FBXO15: variants seen among roughly 807,000 people sequenced by gnomAD.
FBXO15 encodes the protein F-box only protein 15.
A neutral mutation model predicts 49.5 loss-of-function variants in FBXO15; 30 were observed. The ratio of observed to expected loss-of-function variants is 0.61; its 90% confidence interval spans 0.45 to 0.82. The LOEUF (loss-of-function observed/expected upper bound fraction) is 0.82, where lower values mean the gene tolerates loss of function less well. FBXO15 is among the 40% of genes least tolerant of loss of function. FBXO15 has a pLI of 0.00. For missense variants in FBXO15, 591 were observed against 631.5 expected, an observed-to-expected ratio of 0.94 and a Z score of 0.69; for synonymous variants, 250 against 232.7, an observed-to-expected ratio of 1.07 and a Z score of -0.68.
intron 8 of FBXO15, among the ~76,000 whole-genome samples, chr18:74,118,627 AAAGT>A (rs926790445): frequency 3.6e-4 from 55 of 152,214 alleles, no homozygotes; most frequent in African/African-American, 1.3e-3. Flanking sequence ...TTTAAAACTG[AAAGT>A]AATATAATTA....
intron 8 of FBXO15, among the ~76,000 whole-genome samples, chr18:74,085,631 A>G (rs947609168): frequency 6.6e-6 from 1 of 152,240 alleles, no homozygotes; most frequent in Non-Finnish European, 1.5e-5. Flanking sequence ...AATAAAATGG[A>G]ATAGATTGGT....
intron 8 of FBXO15, among the ~76,000 whole-genome samples, chr18:74,104,672 G>C (rs987487682): frequency 6.6e-6 from 1 of 152,094 alleles, no homozygotes; most frequent in African/African-American, 2.4e-5. Flanking sequence ...AAAATAGACG[G>C]TAATAATGGA....
At chr18:74,108,811 G>T (rs984360354) in intron 8 of FBXO15, among the ~76,000 whole-genome samples, 1 of 152,006 alleles carries the variant, frequency 6.6e-6, no homozygotes, top group Non-Finnish European at 1.5e-5. Context: ...GAAACCAGAG[G>T]AAAAGAACAC....
chr18:74,139,656 T>C (rs913879410), intron 2 of FBXO15, among the ~76,000 whole-genome samples: 14 of 152,238 alleles, frequency 9.2e-5, no homozygotes, highest in African/African-American at 3.1e-4. Flanking sequence ...TCTGTGATCA[T>C]CTCAAGCTTT....
intron 3 of FBXO15, among the ~76,000 whole-genome samples, chr18:74,134,646 G>A (rs1978604718): frequency 6.6e-6 from 1 of 152,146 alleles, no homozygotes; most frequent in Non-Finnish European, 1.5e-5. Flanking sequence ...GGGATTACAG[G>A]TGTGAGCCAC....
chr18:74,120,279 G>C (rs1914417962), intron 8 of FBXO15, among the ~76,000 whole-genome samples: 1 of 152,134 alleles, frequency 6.6e-6, no homozygotes, highest in Non-Finnish European at 1.5e-5. Context: ...CTCTCTAACT[G>C]ATAAAACAAG....
At chr18:74,129,992 C>T (rs1031774263) in intron 4 of FBXO15, among the ~76,000 whole-genome samples, 5 of 152,160 alleles carry the variant, frequency 3.3e-5, no homozygotes, top group African/African-American at 4.8e-5. Context: ...GTTCTAGGAA[C>T]CCCATGATAC....
intron 8 of FBXO15, among the ~76,000 whole-genome samples, chr18:74,096,038 G>A (rs894099393): frequency 3.3e-5 from 5 of 152,044 alleles, no homozygotes; most frequent in African/African-American, 4.8e-5. Context: ...CAAGGGCGTC[G>A]AAAATTTTCC....
intron 2 of FBXO15, among the ~76,000 whole-genome samples, chr18:74,138,125 C>T (rs1978835207): frequency 3.3e-5 from 5 of 152,252 alleles, no homozygotes; most frequent in African/African-American, 4.8e-5. Context: ...TCCTTTGGTT[C>T]TCCCCACCCC....
Position 74,082,017 on chromosome 18 carries a change from A to G in FBXO15, c.1173T>C (p.Val391=). Reference sequence around the variant, plus strand: ...GTTCTCTGTTATTTTTTAAATGTATAACAATGAGCTTCACATGTCCATTTT... The same window carrying G: ...GTTCTCTGTTATTTTTTAAATGTATGACAATGAGCTTCACATGTCCATTTT... ...NIENGHVKLI[V]IHLKNNREHL... is the part of the protein sequence containing the mutation. The change falls in exon 9 of 10, where the codon GTT becomes GTC. Residue 391 remains valine (V), a synonymous_variant. Transcript: ENST00000419743. 1 of 1,612,870 alleles carries G rather than the reference A, an allele frequency of 6.2e-7. No individual in the cohort carries two copies. Among genetic ancestry groups the G allele is most frequent in the Non-Finnish European group, 8.5e-7 (1 of 1,179,462 alleles).
In FBXO15 at chr18:74,135,831, T is replaced by C. The variant is rs751848723; in HGVS notation, c.263A>G (p.Tyr88Cys). 3.1e-6 allele frequency: 5 copies of C among 1,611,162 alleles called. No homozygotes were observed. The highest frequency in any genetic ancestry group is 4.2e-6 in the Non-Finnish European group (5 of 1,179,338). ...PSEILLKIFS[Y>C]LDAVSLLCTG... is the part of the protein sequence containing the mutation. ...ACACAGAAGGCTCACAGCATCCAAGTAGGAAAATATCTTCAGCAAGATTTC... is the reference window on the plus strand; with the variant it reads ...ACACAGAAGGCTCACAGCATCCAAGCAGGAAAATATCTTCAGCAAGATTTC... The change falls in exon 3 of 10, where the codon TAC becomes TGC. Residue 88 changes from tyrosine (Y) to cysteine (C), a missense_variant. Physicochemically the swap from Tyr to Cys is radical, Grantham distance 194 (BLOSUM62 -2). Transcript: ENST00000419743.
At chr18:74,114,344 G>A (rs1470589888) in intron 8 of FBXO15, among the ~76,000 whole-genome samples, 1 of 152,174 alleles carries the variant, frequency 6.6e-6, no homozygotes, top group Admixed American at 6.5e-5. Flanking sequence ...GCTTGCACTG[G>A]TTTCCTGCAG....
rs1287138427 is a variant in FBXO15, at chr18:74,074,109, C to T, written c.1264-379G>A. Among the ~76,000 whole-genome samples, 1 of 152,162 alleles carries T rather than the reference C, an allele frequency of 6.6e-6. No homozygotes were observed. The highest frequency in any genetic ancestry group is 2.4e-5 in the African/African-American group (1 of 41,420). On this transcript the variant is annotated intron_variant, in intron 9 of 9. Coordinates refer to ENST00000419743, the MANE Select transcript of FBXO15 (RefSeq NM_001142958.2). The surrounding 1 kb of genome is among the most constrained non-coding windows in gnomAD (Gnocchi z 4.7). ...TTCCGAGCGTGAGGCACCGCATCAC[C>T]CTGAGAAGCAGTGTGCCTGTGTTCC...
At chr18:74,092,687 T>C (rs1202078776) in intron 8 of FBXO15, among the ~76,000 whole-genome samples, 1 of 152,194 alleles carries the variant, frequency 6.6e-6, no homozygotes. Flanking sequence ...GTTTTAACTC[T>C]GGAAGACTGA....
chr18:74,093,625 T>G (rs573331349), intron 8 of FBXO15, among the ~76,000 whole-genome samples: 2 of 152,326 alleles, frequency 1.3e-5, no homozygotes, highest in South Asian at 2.1e-4. Context: ...AGTTTTATCA[T>G]GAGATTAAAG....
intron 8 of FBXO15, among the ~76,000 whole-genome samples, chr18:74,091,193 G>A (rs538605893): frequency 2.5e-4 from 38 of 152,054 alleles, no homozygotes; most frequent in African/African-American, 8.0e-4. Flanking sequence ...AGTCTGTTTC[G>A]TCTGAAGTTG....
intron 8 of FBXO15, among the ~76,000 whole-genome samples, chr18:74,112,161 C>T (rs943067659): frequency 3.9e-5 from 6 of 152,004 alleles, no homozygotes; most frequent in African/African-American, 1.5e-4. Context: ...AAGATAGAAG[C>T]AAAGGGAATA....
intron 6 of FBXO15, among the ~76,000 whole-genome samples, 188 bp downstream of exon 6, chr18:74,125,787 G>A (rs1914682455): frequency 6.6e-6 from 1 of 152,206 alleles, no homozygotes; most frequent in Non-Finnish European, 1.5e-5. Flanking sequence ...TAGCAGAACA[G>A]CACAGCAGCC....
In FBXO15 at chr18:74,147,650, C is replaced by G. The variant is rs1384680648; in HGVS notation, c.116+20G>C. 2.9e-6 allele frequency: 4 copies of G among 1,396,304 alleles called. No individual in the cohort carries two copies. The highest frequency in any genetic ancestry group is 3.0e-5 in the African/African-American group (2 of 65,992). The allele number at this position is 1,396,304 out of a possible 1,614,324, so 86.5% of individuals were successfully genotyped here. ...ACGGGCTTCCCGCCAGGGGACCCCA[C>G]CCGCAGGCCCTACAGTCACCTGCAC... On this transcript the variant is annotated intron_variant, in intron 1 of 9. Transcript: ENST00000419743.
Sources: allele counts gnomAD v4.1 joint callset (sites outside exome capture counted in the v4.1 genomes callset), GRCh38; gene constraint gnomAD v4.1.1; non-coding constraint Gnocchi (gnomAD v3.1); transcripts MANE v1.5; gene names NCBI Gene and HGNC (gene_info 2026-07-23, HGNC 2026-07-21).